Variants in KANSL2 observed in about 807,000 individuals in gnomAD.
The protein encoded by KANSL2 is KAT8 regulatory NSL complex subunit 2.
In KANSL2, 34 loss-of-function variants were observed where a neutral mutation model predicts 55.6. That is an observed-to-expected ratio of 0.61 (90% CI 0.46 to 0.81). The LOEUF (loss-of-function observed/expected upper bound fraction) is 0.81, where lower values mean the gene tolerates loss of function less well. KANSL2 is among the 40% of genes least tolerant of loss of function. The pLI is 0.00. For synonymous variants in KANSL2, 209 were observed against 214.3 expected (o/e 0.98, Z 0.22); for missense variants, 502 against 609.9 (o/e 0.82, Z 1.86).
intron 5 of KANSL2, among the ~76,000 whole-genome samples, chr12:48,670,306 T>C (rs1182913314): frequency 6.6e-6 from 1 of 151,758 alleles, no homozygotes; most frequent in East Asian, 1.9e-4. Context: ...ATCCTTAGAA[T>C]GTACTCCACT....
intron 8 of KANSL2, among the ~76,000 whole-genome samples, chr12:48,657,329 G>A (rs1008749234): frequency 2.0e-5 from 3 of 152,112 alleles, no homozygotes; most frequent in Non-Finnish European, 2.9e-5. Context: ...GGACACTGAG[G>A]CAGGAGAATT....
intron 2 of KANSL2, among the ~76,000 whole-genome samples, chr12:48,680,978 C>A (rs554104103): frequency 6.6e-6 from 1 of 150,496 alleles, no homozygotes; most frequent in South Asian, 2.1e-4. Context: ...CGCCGCCCCC[C>A]CGCCAAAAAA....
intron 5 of KANSL2, among the ~76,000 whole-genome samples, chr12:48,669,606 C>G (rs1465718879): frequency 6.6e-6 from 1 of 151,890 alleles, no homozygotes; most frequent in Non-Finnish European, 1.5e-5. Flanking sequence ...CAAGCTCCGC[C>G]CCCCAGGTTC....
intron 8 of KANSL2, among the ~76,000 whole-genome samples, chr12:48,658,868 G>C (rs1440233924): frequency 2.0e-5 from 3 of 152,248 alleles, no homozygotes; most frequent in Admixed American, 6.5e-5. Context: ...AAGGTGTTAA[G>C]TTACTACTTG....
At chr12:48,660,640 GAA>G in intron 7 of KANSL2, 21 bp from the exon 8 acceptor site, 1 of 1,603,624 alleles carries the variant, frequency 6.2e-7, no homozygotes, top group South Asian at 1.1e-5. Flanking sequence ...ATGGTCAAGG[GAA>G]ATAAAACACA....
At chr12:48,656,239 C>A (rs534066938) in intron 8 of KANSL2, among the ~76,000 whole-genome samples, 10 of 151,432 alleles carry the variant, frequency 6.6e-5, no homozygotes, top group Admixed American at 6.6e-4. Context: ...GGTTAAGTCC[C>A]TATCCCGACA....
At chr12:48,655,599 AG>A in intron 8 of KANSL2, among the ~76,000 whole-genome samples, 1 of 152,198 alleles carries the variant, frequency 6.6e-6, no homozygotes, top group African/African-American at 2.4e-5. Flanking sequence ...GAAAATTCAC[AG>A]AAACACAAAG....
At chr12:48,667,854 T>C (rs1027387681) in intron 6 of KANSL2, 65 bp from the exon 7 acceptor site, 65 of 1,175,472 alleles carry the variant, frequency 5.5e-5, no homozygotes, top group African/African-American at 7.6e-5. Context: ...ACGATGAAAA[T>C]AGTTATATAA....
At chr12:48,662,454 T>C in intron 7 of KANSL2, 1 of 1,055,914 alleles carries the variant, frequency 9.5e-7, no homozygotes, top group Non-Finnish European at 1.2e-6. Flanking sequence ...GTCTCTTATG[T>C]ATTTAATACC....
intron 4 of KANSL2, 91 bp downstream of exon 4, chr12:48,678,945 C>T: frequency 1.1e-6 from 1 of 871,216 alleles, no homozygotes; most frequent in Non-Finnish European, 1.8e-6. Flanking sequence ...TGTCTTCAAC[C>T]CTCCTAGGTT....
chr12:48,674,501 T>C (rs1037347531), intron 4 of KANSL2, among the ~76,000 whole-genome samples: 7 of 152,192 alleles, frequency 4.6e-5, no homozygotes, highest in African/African-American at 1.7e-4. Flanking sequence ...ACACAGAATA[T>C]ACAAAATTAA....
Position 48,679,747 on chromosome 12 carries a change from T to C in KANSL2, c.338A>G (p.Glu113Gly). ...MKKTNPGPVG[E>G]TLLCQLSSYA... ...TGAGCTCAGCTGGCACAGGAGTGTT[T>C]CACCCACAGGCCCTGGGTTGGTCTT... Residue 113 changes from glutamate to glycine, a missense_variant, in exon 3 of 10, where the codon GAA (glutamate) becomes GGA (glycine). Physicochemically the swap from Glu to Gly is moderately conservative, Grantham distance 98. Coordinates refer to ENST00000420613, the MANE Select transcript of KANSL2 (RefSeq NM_017822.4). The C allele has an allele frequency of 1.2e-6, 2 of 1,611,370 alleles. No homozygotes were observed. Among genetic ancestry groups the C allele is most frequent in the Non-Finnish European group, 1.7e-6 (2 of 1,178,764 alleles).
At chr12:48,668,048 C>A (rs970011804) in intron 6 of KANSL2, among the ~76,000 whole-genome samples, 1 of 152,068 alleles carries the variant, frequency 6.6e-6, no homozygotes, top group African/African-American at 2.4e-5. Flanking sequence ...TGTCTTTTAC[C>A]AACAGAACTC....
chr12:48,680,980 G>A (rs10783276), intron 2 of KANSL2, among the ~76,000 whole-genome samples: 36,647 of 150,896 alleles, frequency 0.24, 5,134 homozygotes, highest in Non-Finnish European at 0.33. Flanking sequence ...CCGCCCCCCC[G>A]CCAAAAAATT....
chr12:48,678,445 ATTC>A (rs995848895), intron 4 of KANSL2, among the ~76,000 whole-genome samples: 2 of 151,998 alleles, frequency 1.3e-5, no homozygotes, highest in African/African-American at 4.8e-5. Flanking sequence ...ATACCTTTTT[ATTC>A]TTCTTTTTAA....
intron 5 of KANSL2, among the ~76,000 whole-genome samples, chr12:48,670,004 C>A (rs2137192975): frequency 6.6e-6 from 1 of 152,020 alleles, no homozygotes; most frequent in Middle Eastern, 3.4e-3. Context: ...AGATTGAGAA[C>A]ATCCTGGCCA....
chr12:48,667,566 C>A, intron 7 of KANSL2, 127 bp downstream of exon 7: 2 of 797,408 alleles, frequency 2.5e-6, no homozygotes, highest in Non-Finnish European at 4.5e-6. Context: ...ACAGCTTCAG[C>A]AAACTGCTGG....
At chr12:48,679,282 A>G in intron 3 of KANSL2, 132 bp from the exon 4 acceptor site, 1 of 728,386 alleles carries the variant, frequency 1.4e-6, no homozygotes, top group Non-Finnish European at 2.4e-6. Context: ...CACTTAGTAC[A>G]AAGGTACTGG....
chr12:48,680,193 G>T lies in KANSL2; in HGVS notation c.252-360C>A, dbSNP rs530216955. On this transcript the variant is annotated intron_variant, in intron 2 of 9. Coordinates refer to ENST00000420613, the MANE Select transcript of KANSL2 (RefSeq NM_017822.4). ...TCCTGCCTCAGCCTCAAAGTAGCTA[G>T]AACTATAGGCATGCACCACTGTGCC... 8 of 178,788 alleles carry T rather than the reference G, an allele frequency of 4.5e-5. No homozygotes were observed. The East Asian group carries it at 1.2e-3, about 27-fold the overall frequency. 11.1% of individuals were successfully genotyped at this position (178,788 alleles called of 1,614,324 possible).
Sources: gnomAD v4.1 joint callset for allele counts (sites outside exome capture counted in the v4.1 genomes callset) on GRCh38, gnomAD v4.1.1 for gene constraint, MANE v1.5 for transcripts, NCBI Gene and HGNC (gene_info 2026-07-23, HGNC 2026-07-21) for gene names.